FRMD6: variants seen among roughly 807,000 people sequenced by gnomAD.
FRMD6 encodes FERM domain-containing protein 6.
FRMD6 carries 37 observed loss-of-function variants against 73.2 expected under a neutral mutation model. The observed-to-expected ratio is 0.51, with a 90% CI of 0.39 to 0.66. FRMD6 has a LOEUF of 0.66. FRMD6 is among the 30% of genes least tolerant of loss of function. FRMD6 has a pLI of 0.00. For synonymous variants in FRMD6, 273 were observed against 282.2 expected (o/e 0.97, Z 0.33); for missense variants, 714 against 780.5 (o/e 0.91, Z 1.02).
At chr14:51,473,149 C>T in the FRMD6 span, among the ~76,000 whole-genome samples, 2 of 152,142 alleles carry the variant, frequency 1.3e-5, no homozygotes, top group African/African-American at 2.4e-5. Context: ...GTGCTTCCCA[C>T]GTCAGGATAA....
intron 2 of FRMD6, among the ~76,000 whole-genome samples, chr14:51,582,120 G>C (rs1485528062): frequency 2.0e-5 from 3 of 152,198 alleles, no homozygotes; most frequent in African/African-American, 7.2e-5. Flanking sequence ...CATACATACT[G>C]ACTAAAGTGG....
At chr14:51,467,575 G>T in the FRMD6 span, among the ~76,000 whole-genome samples, 4 of 152,030 alleles carry the variant, frequency 2.6e-5, no homozygotes, top group Admixed American at 2.0e-4. Context: ...CCCGGACGGG[G>T]CGGCTGCCGG....
At chr14:51,584,106 C>T (rs1888888794) in intron 2 of FRMD6, 1 of 152,174 alleles carries the variant, frequency 6.6e-6, no homozygotes, top group African/African-American at 2.4e-5. Context: ...TCAACTCCTC[C>T]TTTTATATTT....
chr14:51,422,600 T>C, the FRMD6 span, among the ~76,000 whole-genome samples: 1 of 152,188 alleles, frequency 6.6e-6, no homozygotes, highest in Non-Finnish European at 1.5e-5. Context: ...CAAGGAGAAA[T>C]TTCCATTTAA....
At chr14:51,679,758 G>T (rs1005846670) in intron 1 of FRMD6, among the ~76,000 whole-genome samples, 2 of 152,042 alleles carry the variant, frequency 1.3e-5, no homozygotes, top group Non-Finnish European at 2.9e-5. Context: ...CATTGTAATA[G>T]TTGATTAACA....
intron 4 of FRMD6, among the ~76,000 whole-genome samples, 155 bp downstream of exon 4, chr14:51,701,314 A>G (rs1234294802): frequency 6.9e-6 from 1 of 145,250 alleles, no homozygotes; most frequent in Non-Finnish European, 1.5e-5. Context: ...TATGTATAGT[A>G]TATATATATA....
intron 9 of FRMD6, among the ~76,000 whole-genome samples, chr14:51,713,480 G>A (rs4901147): frequency 0.28 from 41,923 of 148,310 alleles, 6,412 homozygotes; most frequent in African/African-American, 0.38. Flanking sequence ...AAAAAAAATC[G>A]TAGTTCTGCT....
chr14:51,678,460 A>C (rs181353844), intron 1 of FRMD6, among the ~76,000 whole-genome samples: 2 of 152,300 alleles, frequency 1.3e-5, no homozygotes, highest in East Asian at 1.9e-4. Context: ...GAAGAAATGT[A>C]CACATTTCCT....
chr14:51,503,479 T>A (rs535645548), intron 1 of FRMD6, among the ~76,000 whole-genome samples: 2 of 152,348 alleles, frequency 1.3e-5, no homozygotes, highest in East Asian at 3.9e-4. Flanking sequence ...GAGATAATCA[T>A]GTGCTTTTGT....
At chr14:51,635,659 A>G (rs759044067) in intron 2 of FRMD6, among the ~76,000 whole-genome samples, 1 of 152,216 alleles carries the variant, frequency 6.6e-6, no homozygotes, top group Non-Finnish European at 1.5e-5. Flanking sequence ...GTTGAAATCT[A>G]GCTTTAGAAC....
the FRMD6 span, among the ~76,000 whole-genome samples, chr14:51,403,391 T>TTTTAC: frequency 1.2e-5 from 1 of 81,906 alleles, no homozygotes; most frequent in South Asian, 3.0e-4. Flanking sequence ...ATTCTGCAAC[T>TTTTAC]TTTATTTTAT....
At chr14:51,615,050 C>T (rs191453967) in intron 2 of FRMD6, among the ~76,000 whole-genome samples, 2 of 152,216 alleles carry the variant, frequency 1.3e-5, no homozygotes, top group East Asian at 3.9e-4. Flanking sequence ...TAGAGTATGA[C>T]TGAGGAGTAA....
chr14:51,493,028 C>A (rs1378670153), intron 1 of FRMD6, among the ~76,000 whole-genome samples: 1 of 152,154 alleles, frequency 6.6e-6, no homozygotes, highest in African/African-American at 2.4e-5. Flanking sequence ...GACACTGATT[C>A]AGCAGATGGG....
At chr14:51,687,901 C>T (rs1895279680) in intron 1 of FRMD6, among the ~76,000 whole-genome samples, 1 of 152,156 alleles carries the variant, frequency 6.6e-6, no homozygotes, top group Admixed American at 6.5e-5. Context: ...CAACCCTCTG[C>T]TCAGTCCCTT....
chr14:51,424,368 A>G, the FRMD6 span, among the ~76,000 whole-genome samples: 1 of 152,224 alleles, frequency 6.6e-6, no homozygotes, highest in South Asian at 2.1e-4. Flanking sequence ...GAGATTCTAT[A>G]AGAATTATCA....
intron 1 of FRMD6, among the ~76,000 whole-genome samples, chr14:51,567,844 A>C (rs914554186): frequency 1.3e-5 from 2 of 152,236 alleles, no homozygotes; most frequent in Non-Finnish European, 2.9e-5. Context: ...TTCCAGAACA[A>C]GACTCATATC....
the FRMD6 span, among the ~76,000 whole-genome samples, chr14:51,438,173 A>T: frequency 6.6e-6 from 1 of 152,312 alleles, no homozygotes; most frequent in East Asian, 1.9e-4. Context: ...GGCATGTTCA[A>T]TTGTGATATT....
chr14:51,457,014 T>C, the FRMD6 span, among the ~76,000 whole-genome samples: 6 of 152,156 alleles, frequency 3.9e-5, no homozygotes, highest in African/African-American at 7.2e-5. Context: ...TGAGGAAATA[T>C]TGGCCCATAG....
chr14:51,463,289 T>C, the FRMD6 span, among the ~76,000 whole-genome samples: 1 of 152,248 alleles, frequency 6.6e-6, no homozygotes, highest in Admixed American at 6.5e-5. Flanking sequence ...AAGTCTGTGA[T>C]ATAAAGTGGC....
Sources: gnomAD v4.1 joint callset for allele counts (sites outside exome capture counted in the v4.1 genomes callset) on GRCh38, gnomAD v4.1.1 for gene constraint, MANE v1.5 for transcripts, NCBI Gene and HGNC (gene_info 2026-07-23, HGNC 2026-07-21) for gene names.